DOCK11: variants seen among roughly 807,000 people sequenced by gnomAD.
DOCK11 encodes the protein dedicator of cytokinesis 11.
DOCK11 carries 70 observed loss-of-function variants against 169.1 expected under a neutral mutation model. The ratio of observed to expected loss-of-function variants is 0.41; its 90% CI spans 0.34 to 0.51. The LOEUF is 0.51. Ranked by LOEUF, DOCK11 falls within the 20% of genes least tolerant of loss-of-function variation. DOCK11 has a pLI of 0.10. For missense variants in DOCK11, 1,166 were observed against 1,538.8 expected (o/e 0.76, Z 4.05); for synonymous variants, 529 against 541.3 (o/e 0.98, Z 0.32).
chrX:118,580,479 GCTAATTT>G (rs1233748241), intron 14 of DOCK11, among the ~76,000 whole-genome samples: 24 of 111,330 alleles, frequency 2.2e-4, no homozygotes, highest in Non-Finnish European at 4.0e-4. Flanking sequence ...ACCACACCTG[GCTAATTT>G]TTGTATTTTT....
intron 32 of DOCK11, 74 bp downstream of exon 32, chrX:118,624,729 A>C (rs2015056937): frequency 2.6e-5 from 14 of 536,750 alleles, no homozygotes; most frequent in Non-Finnish European, 3.6e-5. Context: ...GTCATATGCT[A>C]TATGATCTCA....
At chrX:118,551,436 T>C (rs372284285) in intron 6 of DOCK11, among the ~76,000 whole-genome samples, 61 of 112,508 alleles carry the variant, frequency 5.4e-4, no homozygotes, top group African/African-American at 1.9e-3. Flanking sequence ...TAGTGGCTCA[T>C]GCCTGTAATC....
At chrX:118,635,587 T>A (rs2015366152) in intron 35 of DOCK11, among the ~76,000 whole-genome samples, 1 of 111,766 alleles carries the variant, frequency 8.9e-6, no homozygotes, top group African/African-American at 3.3e-5. Flanking sequence ...TTCTCTTTTT[T>A]ATTTTTATTA....
chrX:118,599,123 T>C lies in DOCK11; in HGVS notation c.2473-16T>C. Reference sequence around the variant, plus strand: ...ATGAATCAAATTTCATATGGCTGTTTCCATCTGTGTTCCAGGATCTGCATG... The same window carrying C: ...ATGAATCAAATTTCATATGGCTGTTCCCATCTGTGTTCCAGGATCTGCATG... On this transcript the variant is annotated splice_polypyrimidine_tract_variant and intron_variant, in intron 22 of 52. Transcript: ENST00000276202. 8.4e-7 allele frequency: 1 copy of C among 1,187,772 alleles called. No individual in the cohort carries two copies. The highest frequency in any genetic ancestry group is 1.8e-5 in the South Asian group (1 of 55,677).
chrX:118,519,490 C>T (rs920109452), intron 1 of DOCK11, among the ~76,000 whole-genome samples: 1 of 111,958 alleles, frequency 8.9e-6, no homozygotes, highest in African/African-American at 3.2e-5. Flanking sequence ...GTGGAGGTTG[C>T]AGTGAACCAC....
intron 40 of DOCK11, 71 bp from the exon 41 acceptor site, chrX:118,648,874 A>T: frequency 1.0e-6 from 1 of 971,329 alleles, no homozygotes; most frequent in Non-Finnish European, 1.4e-6. Flanking sequence ...GAGGATATAG[A>T]GGGCACTTGA....
At chrX:118,558,930 G>C (rs912776196) in intron 6 of DOCK11, among the ~76,000 whole-genome samples, 6 of 112,172 alleles carry the variant, frequency 5.3e-5, no homozygotes, top group Non-Finnish European at 1.1e-4. Flanking sequence ...GAGAAGCAGA[G>C]TCTTGAGGAC....
chrX:118,652,097 A>G lies in DOCK11; in HGVS notation c.4695+20A>G. 2 of 1,021,267 alleles carry G rather than the reference A, an allele frequency of 2.0e-6. No homozygotes were observed. Among genetic ancestry groups the G allele is most frequent in the Non-Finnish European group, 2.7e-6 (2 of 736,338 alleles). 84.2% of individuals were successfully genotyped at this position (1,021,267 alleles called of 1,213,427 possible). A position where few individuals can be genotyped will look rare whatever the true frequency, so the allele number is the denominator to read the frequency against. On this transcript the variant is annotated intron_variant, in intron 42 of 52. Transcript: ENST00000276202. ...ATGAAGGTATGTTCTCATTTCAGAT[A>G]ATAAATTAGAACCACCTTTGCTATC... is the stretch of plus-strand genomic sequence containing the variant.
chrX:118,607,522 C>T (rs1285597665), intron 24 of DOCK11, among the ~76,000 whole-genome samples: 2 of 97,265 alleles, frequency 2.1e-5, no homozygotes, highest in Admixed American at 1.1e-4. Context: ...CCTGGGTTCA[C>T]GCCATTCTCC....
chrX:118,549,382 G>A (rs1035276352), intron 6 of DOCK11, among the ~76,000 whole-genome samples: 2 of 109,540 alleles, frequency 1.8e-5, no homozygotes, highest in African/African-American at 6.7e-5. Flanking sequence ...GATCTCAAGT[G>A]ATCCACCTAC....
At chrX:118,547,742 T>C (rs2147354194) in intron 6 of DOCK11, among the ~76,000 whole-genome samples, 1 of 112,852 alleles carries the variant, frequency 8.9e-6, no homozygotes, top group African/African-American at 3.2e-5. Flanking sequence ...GCTCACTAGC[T>C]GAATGAGACT....
intron 34 of DOCK11, among the ~76,000 whole-genome samples, chrX:118,629,305 G>T (rs1397019025): frequency 2.7e-5 from 3 of 111,550 alleles, no homozygotes; most frequent in Non-Finnish European, 5.6e-5. Context: ...AGGTCAGAGA[G>T]GTTGAATGAC....
chrX:118,525,652 C>T (rs1377635068), intron 1 of DOCK11, among the ~76,000 whole-genome samples: 2 of 111,160 alleles, frequency 1.8e-5, no homozygotes, highest in Non-Finnish European at 1.9e-5. Flanking sequence ...AATGCAGACA[C>T]TTATATAGTA....
intron 1 of DOCK11, among the ~76,000 whole-genome samples, chrX:118,542,295 C>A (rs945029736): frequency 9.1e-6 from 1 of 109,296 alleles, no homozygotes; most frequent in African/African-American, 3.3e-5. Context: ...CTCAGCCTCC[C>A]GAGTGGCTGG....
rs1464911348 is a variant in DOCK11 at position 118,609,307 on chromosome X, A to G, written c.2907A>G (p.Ala969=). The change falls in exon 27 of 53, where the codon GCA becomes GCG. Residue 969 remains alanine (A), a synonymous_variant. Transcript: ENST00000276202. ...KYSWFFFEII[A]KSMATYLLEE... ...CATGGTTTTTCTTTGAAATAATTGC[A>G]AAGTCAATGGCCACATACTTGTTGG... is the stretch of plus-strand genomic sequence containing the variant. 3.3e-6 allele frequency: 4 copies of G among 1,198,970 alleles called. No homozygotes were observed. Among genetic ancestry groups the G allele is most frequent in the Non-Finnish European group, 3.4e-6 (3 of 888,717 alleles).
intron 7 of DOCK11, among the ~76,000 whole-genome samples, chrX:118,563,352 G>A (rs5909546): frequency 0.3 from 33,569 of 110,181 alleles, 4,217 homozygotes; most frequent in East Asian, 0.51. Flanking sequence ...CCTGTGGCAG[G>A]AGCATTGCTT....
intron 7 of DOCK11, among the ~76,000 whole-genome samples, chrX:118,564,869 A>G (rs6646236): frequency 0.011 from 1,172 of 109,493 alleles, 6 homozygotes; most frequent in African/African-American, 0.037. Flanking sequence ...GCTGCAGGCA[A>G]TCCACCTTAG....
At chrX:118,540,008 G>A (rs1449375947) in intron 1 of DOCK11, among the ~76,000 whole-genome samples, 3 of 86,147 alleles carry the variant, frequency 3.5e-5, no homozygotes, top group African/African-American at 4.8e-5. Context: ...CTGAGATCAC[G>A]CCATTGCACT....
At chrX:118,575,044 A>AT (rs1169776692) in intron 12 of DOCK11, among the ~76,000 whole-genome samples, 1 of 111,893 alleles carries the variant, frequency 8.9e-6, no homozygotes, top group South Asian at 3.7e-4. Context: ...AAGGAGATTG[A>AT]TTTTTTTCTA....
Sources: allele counts gnomAD v4.1 joint callset (sites outside exome capture counted in the v4.1 genomes callset), GRCh38; gene constraint gnomAD v4.1.1; transcripts MANE v1.5; gene names NCBI Gene and HGNC (gene_info 2026-07-23, HGNC 2026-07-21).